BACH2: variants seen among roughly 807,000 people sequenced by gnomAD.
BACH2 encodes the protein BACH transcriptional regulator 2.
Under a neutral mutation model 61.8 loss-of-function variants are expected in BACH2, and 5 were observed. The ratio of observed to expected loss-of-function variants is 0.08; its 90% CI spans 0.04 to 0.17. BACH2 has a LOEUF of 0.17. Among genes scored for constraint, BACH2 ranks in the 10% least tolerant of loss-of-function variants. BACH2 has a pLI of 1.00. For missense variants in BACH2, 824 were observed against 1,091.1 expected (o/e 0.76, Z 3.45); for synonymous variants, 446 against 440.1 (o/e 1.01, Z -0.17).
chr6:89,942,944 A>C (rs183800947), intron 7 of BACH2, among the ~76,000 whole-genome samples: 123 of 152,280 alleles, frequency 8.1e-4, no homozygotes, highest in Non-Finnish European at 1.6e-3. Context: ...GCACGGCTAT[A>C]GGAGGGTTAG....
At chr6:90,191,541 T>C (rs757367076) in intron 4 of BACH2, among the ~76,000 whole-genome samples, 1 of 152,234 alleles carries the variant, frequency 6.6e-6, no homozygotes, top group Non-Finnish European at 1.5e-5. Context: ...CTTAGGACAT[T>C]CCAATGTGAC....
intron 4 of BACH2, among the ~76,000 whole-genome samples, chr6:90,102,705 A>G (rs58111577): frequency 1.1e-4 from 16 of 151,242 alleles, no homozygotes; most frequent in Non-Finnish European, 2.1e-4. Flanking sequence ...CAGGAGAATC[A>G]CTTGAACCGA....
intron 4 of BACH2, among the ~76,000 whole-genome samples, chr6:90,157,344 G>A (rs1489851232): frequency 1.3e-5 from 2 of 152,184 alleles, no homozygotes; most frequent in African/African-American, 4.8e-5. Flanking sequence ...AACTCTAAGG[G>A]CACAAAAATT....
At chr6:90,271,378 A>G (rs1771515515) in intron 2 of BACH2, among the ~76,000 whole-genome samples, 1 of 150,218 alleles carries the variant, frequency 6.7e-6, no homozygotes, top group South Asian at 2.1e-4. Flanking sequence ...AAAAAAAAAA[A>G]AAAAGAAAAA....
intron 5 of BACH2, among the ~76,000 whole-genome samples, chr6:90,050,930 C>T (rs905999273): frequency 1.1e-4 from 17 of 151,924 alleles, no homozygotes; most frequent in African/African-American, 3.9e-4. Flanking sequence ...TACTACCATG[C>T]CCAGCTAATT....
rs528973520 is a variant in BACH2 at position 89,991,363 on chromosome 6, T to A, written c.243+17239A>T. 2.6e-5 allele frequency among the ~76,000 whole-genome samples: 4 copies of A among 152,292 alleles called. No individual in the cohort carries two copies. In the South Asian group the frequency reaches 8.3e-4, roughly 32 times the overall value. ...TAGTCTGGATTCAGCTGGGGGTGAA[T>A]CTGGAATGTCGGGAGGAACTAGACT... On this transcript the variant is annotated intron_variant, in intron 6 of 8. Coordinates refer to ENST00000257749, the MANE Select transcript of BACH2 (RefSeq NM_021813.4).
rs923711631 is a variant in BACH2, at chr6:90,214,523, C to T, written c.-274-7842G>A. Reference sequence around the variant, plus strand: ...CAGCTATCTCTCCAATAAAAAGTTTCTAATTAAGGAACTAAAATATTCTCA... The same window carrying T: ...CAGCTATCTCTCCAATAAAAAGTTTTTAATTAAGGAACTAAAATATTCTCA... On this transcript the variant is annotated intron_variant, in intron 3 of 8. Coordinates refer to ENST00000257749, the MANE Select transcript of BACH2 (RefSeq NM_021813.4). Among the ~76,000 whole-genome samples the T allele has an allele frequency of 3.0e-4, 46 of 152,116 alleles. 1 individual carries two copies. The highest frequency in any genetic ancestry group is 4.4e-5 in the Non-Finnish European group (3 of 68,022).
chr6:90,118,076 TAA>T (rs1783477354), intron 4 of BACH2, among the ~76,000 whole-genome samples: 1 of 152,200 alleles, frequency 6.6e-6, no homozygotes, highest in Non-Finnish European at 1.5e-5. Flanking sequence ...TAAAGACACT[TAA>T]GTCTAATAGA....
chr6:90,095,142 C>T lies in BACH2; in HGVS notation c.-161-6033G>A, dbSNP rs563021004. Among the ~76,000 whole-genome samples, 7 of 152,098 alleles carry T rather than the reference C, an allele frequency of 4.6e-5. No individual in the cohort carries two copies. In the South Asian group the frequency reaches 1.5e-3, roughly 32 times the overall value. ...ATTCAGAAACACTAAGTGGAGTAGT[C>T]GCACGCCATTTTATGGCTGAAGGGG... On this transcript the variant is annotated intron_variant, in intron 4 of 8. Coordinates refer to ENST00000257749, the MANE Select transcript of BACH2 (RefSeq NM_021813.4).
At chr6:90,092,816 G>A (rs1290589617) in intron 4 of BACH2, among the ~76,000 whole-genome samples, 1 of 152,152 alleles carries the variant, frequency 6.6e-6, no homozygotes, top group Non-Finnish European at 1.5e-5. Flanking sequence ...TAAAACAAGG[G>A]GGTTGGATGA....
chr6:89,982,815 C>T (rs1002872765), intron 6 of BACH2, among the ~76,000 whole-genome samples: 3 of 152,144 alleles, frequency 2.0e-5, no homozygotes, highest in African/African-American at 4.8e-5. Flanking sequence ...CAAGCAGGGC[C>T]GGGTCTTGGG....
chr6:90,022,597 C>T lies in BACH2; in HGVS notation c.-12-13741G>A, dbSNP rs114686768. ...AGACTCCGTTTCAAAAATGAATGAA[C>T]GAATGAACGAATTTAACCAAAATGG... On this transcript the variant is annotated intron_variant, in intron 5 of 8. Transcript: ENST00000257749. Among the ~76,000 whole-genome samples, 539 of 152,144 alleles carry T rather than the reference C, an allele frequency of 3.5e-3. 1 individual carries two copies. The highest frequency in any genetic ancestry group is 0.012 in the African/African-American group (511 of 41,498).
intron 4 of BACH2, among the ~76,000 whole-genome samples, chr6:90,183,358 T>C (rs371462980): frequency 2.6e-4 from 39 of 152,314 alleles, no homozygotes; most frequent in African/African-American, 8.9e-4. Context: ...CAAATGTCCA[T>C]ATATAACATA....
At chr6:90,130,883 T>C (rs1204284448) in intron 4 of BACH2, among the ~76,000 whole-genome samples, 1 of 152,272 alleles carries the variant, frequency 6.6e-6, no homozygotes, top group African/African-American at 2.4e-5. Context: ...ACTTTAGTTT[T>C]TTCCATCTAT....
intron 6 of BACH2, among the ~76,000 whole-genome samples, chr6:89,961,010 G>A (rs1272400818): frequency 5.9e-5 from 9 of 152,138 alleles, no homozygotes; most frequent in Admixed American, 5.2e-4. Context: ...TTGGGTATGT[G>A]GAACCTTCGT....
chr6:90,052,607 G>A (rs1158933690), intron 5 of BACH2, among the ~76,000 whole-genome samples: 1 of 152,140 alleles, frequency 6.6e-6, no homozygotes, highest in Non-Finnish European at 1.5e-5. Context: ...TTTTAGTAGA[G>A]ACAGGGTTTC....
intron 4 of BACH2, among the ~76,000 whole-genome samples, chr6:90,150,464 C>T (rs945670809): frequency 6.6e-6 from 1 of 152,202 alleles, no homozygotes; most frequent in Non-Finnish European, 1.5e-5. Flanking sequence ...TACTATCTAA[C>T]ACTTATCAAT....
chr6:90,248,081 T>C (rs1234962198), intron 3 of BACH2, among the ~76,000 whole-genome samples: 4 of 152,194 alleles, frequency 2.6e-5, no homozygotes, highest in Admixed American at 6.5e-5. Flanking sequence ...TTATTCCTCA[T>C]TGTGTCTCTT....
chr6:90,203,838 C>A (rs949935151), intron 4 of BACH2, among the ~76,000 whole-genome samples: 1 of 152,100 alleles, frequency 6.6e-6, no homozygotes, highest in Non-Finnish European at 1.5e-5. Context: ...GCGAGCTATC[C>A]AAAGTCCCAA....
Sources: allele counts gnomAD v4.1 joint callset (sites outside exome capture counted in the v4.1 genomes callset), GRCh38; gene constraint gnomAD v4.1.1; transcripts MANE v1.5; gene names NCBI Gene and HGNC (gene_info 2026-07-23, HGNC 2026-07-21).